The following CENPW variants were observed in gnomAD, a reference collection of about 807,000 sequenced individuals.
CENPW encodes centromere protein W, also known as cancer-up-regulated gene 2 protein.
A neutral mutation model predicts 11.1 loss-of-function variants in CENPW; 3 were observed. The observed-to-expected ratio is 0.27, with a 90% CI of 0.12 to 0.70. CENPW has a LOEUF of 0.70. Ranked by LOEUF, CENPW falls within the 30% of genes least tolerant of loss-of-function variation. The pLI is 0.77. For missense variants in CENPW, 100 were observed against 105.6 expected (o/e 0.95, Z 0.23); for synonymous variants, 38 against 42.0 (o/e 0.91, Z 0.37).
At chr6:126,480,536 G>A in the CENPW span, among the ~76,000 whole-genome samples, 1 of 151,940 alleles carries the variant, frequency 6.6e-6, no homozygotes, top group Non-Finnish European at 1.5e-5. Context: ...AAGAAATGCT[G>A]AGCTTTTTAG....
downstream of CENPW, among the ~76,000 whole-genome samples, chr6:126,349,733 G>A (rs368805035): frequency 2.2e-4 from 34 of 152,230 alleles, no homozygotes; most frequent in East Asian, 9.6e-4. Context: ...GTTACTTACA[G>A]TTTTGGTTAT....
the CENPW span, among the ~76,000 whole-genome samples, chr6:126,454,366 A>G: frequency 6.6e-6 from 1 of 151,392 alleles, no homozygotes; most frequent in Non-Finnish European, 1.5e-5. Context: ...ATCATACCAA[A>G]CACACTCTCA....
chr6:126,426,856 C>G, the CENPW span, among the ~76,000 whole-genome samples: 678 of 152,236 alleles, frequency 4.5e-3, 3 homozygotes, highest in African/African-American at 0.015. Context: ...AGGCATGTAC[C>G]AGTGACATCC....
At chr6:126,450,308 G>C in the CENPW span, among the ~76,000 whole-genome samples, 3 of 150,968 alleles carry the variant, frequency 2.0e-5, no homozygotes, top group Admixed American at 2.0e-4. Context: ...CAGAATCTTG[G>C]GGTAAAGCTC....
At chr6:126,371,338 G>A in the CENPW span, among the ~76,000 whole-genome samples, 102 of 152,122 alleles carry the variant, frequency 6.7e-4, 1 homozygote, top group African/African-American at 2.4e-3. Flanking sequence ...TGCGTCTATT[G>A]ATATAATAAT....
the CENPW span, among the ~76,000 whole-genome samples, chr6:126,411,713 G>C: frequency 6.6e-6 from 1 of 152,102 alleles, no homozygotes; most frequent in Non-Finnish European, 1.5e-5. Flanking sequence ...ATGCTCTGGA[G>C]GTTTGGAGGT....
At chr6:126,383,476 T>A in the CENPW span, among the ~76,000 whole-genome samples, 1 of 151,548 alleles carries the variant, frequency 6.6e-6, no homozygotes, top group Non-Finnish European at 1.5e-5. Flanking sequence ...AGGCACAGAG[T>A]AGAAAGCTGG....
At chr6:126,456,502 T>A in the CENPW span, among the ~76,000 whole-genome samples, 1 of 151,706 alleles carries the variant, frequency 6.6e-6, no homozygotes, top group African/African-American at 2.4e-5. Flanking sequence ...GCTAGCCATA[T>A]GCAGAAGATT....
chr6:126,358,152 G>A, the CENPW span, among the ~76,000 whole-genome samples: 3 of 152,016 alleles, frequency 2.0e-5, no homozygotes, highest in South Asian at 2.1e-4. Flanking sequence ...GAATCATATC[G>A]TTAGTAAAGA....
At chr6:126,446,697 A>G in the CENPW span, among the ~76,000 whole-genome samples, 3 of 151,120 alleles carry the variant, frequency 2.0e-5, no homozygotes, top group Non-Finnish European at 4.4e-5. Context: ...GTAGAGGACA[A>G]TGTTATTCAG....
chr6:126,422,537 T>G, the CENPW span, among the ~76,000 whole-genome samples: 1 of 152,122 alleles, frequency 6.6e-6, no homozygotes, highest in African/African-American at 2.4e-5. Flanking sequence ...ACTTACTAAA[T>G]TAGGACCTCA....
At chr6:126,404,931 A>G in the CENPW span, among the ~76,000 whole-genome samples, 1 of 151,260 alleles carries the variant, frequency 6.6e-6, no homozygotes, top group South Asian at 2.1e-4. Flanking sequence ...TACTTTGCCA[A>G]TATTTCCTCT....
chr6:126,454,726 G>C, the CENPW span, among the ~76,000 whole-genome samples: 4 of 151,166 alleles, frequency 2.6e-5, no homozygotes, highest in African/African-American at 9.7e-5. Context: ...CAGAATCAGA[G>C]CTAAACTGAA....
downstream of CENPW, among the ~76,000 whole-genome samples, chr6:126,351,504 A>C (rs887281198): frequency 1.3e-5 from 2 of 151,944 alleles, no homozygotes; most frequent in Non-Finnish European, 2.9e-5. Context: ...CCTGACTTAG[A>C]AAAGAAAGAG....
chr6:126,473,162 A>C, the CENPW span, among the ~76,000 whole-genome samples: 1 of 152,168 alleles, frequency 6.6e-6, no homozygotes, highest in African/African-American at 2.4e-5. Flanking sequence ...CACCTACTGA[A>C]GGACATCTTG....
the CENPW span, among the ~76,000 whole-genome samples, chr6:126,442,205 G>A: frequency 5.3e-5 from 8 of 151,630 alleles, no homozygotes; most frequent in Non-Finnish European, 8.9e-5. Flanking sequence ...GATAATTAGC[G>A]ATGTTGAGCA....
the CENPW span, among the ~76,000 whole-genome samples, chr6:126,385,254 G>A: frequency 6.6e-6 from 1 of 152,076 alleles, no homozygotes; most frequent in Non-Finnish European, 1.5e-5. Flanking sequence ...TCCCATTACT[G>A]GGTATATACC....
chr6:126,389,776 A>G, the CENPW span, among the ~76,000 whole-genome samples: 1 of 151,816 alleles, frequency 6.6e-6, no homozygotes, highest in South Asian at 2.1e-4. Context: ...TTCAGTGTAC[A>G]TAAATATTTA....
Position 126,340,419 on chromosome 6 carries a change from C to T in CENPW, c.126+20C>T, listed in dbSNP as rs375635063. 7.4e-6 allele frequency: 12 copies of T among 1,613,990 alleles called. No individual in the cohort carries two copies. Among genetic ancestry groups the T allele is most frequent in the African/African-American group, 5.3e-5 (4 of 74,918 alleles). On this transcript the variant is annotated intron_variant, in intron 1 of 2. Transcript: ENST00000368328. Reference sequence around the variant, plus strand: ...TTATTGGTGAGATTCCATCCCTTCTCGGGCTGGGAATGGGGCACGGGAGAG... The same window carrying T: ...TTATTGGTGAGATTCCATCCCTTCTTGGGCTGGGAATGGGGCACGGGAGAG...
Sources: gnomAD v4.1 joint callset for allele counts (sites outside exome capture counted in the v4.1 genomes callset) on GRCh38, gnomAD v4.1.1 for gene constraint, MANE v1.5 for transcripts, NCBI Gene and HGNC (gene_info 2026-07-23, HGNC 2026-07-21) for gene names.